The following INSYN1 variants were observed in gnomAD, a reference collection of about 807,000 sequenced individuals.
INSYN1 encodes the protein inhibitory synaptic factor 1.
In INSYN1, 7 loss-of-function variants were observed where a neutral mutation model predicts 17.1. The ratio of observed to expected loss-of-function variants is 0.41; its 90% CI spans 0.23 to 0.77. The LOEUF is 0.77. Ranked by LOEUF, INSYN1 falls within the 30% of genes least tolerant of loss-of-function variation. INSYN1 has a pLI of 0.32. For synonymous variants in INSYN1, 174 were observed against 166.3 expected, an observed-to-expected ratio of 1.05 and a Z score of -0.36; for missense variants, 339 against 400.6, an observed-to-expected ratio of 0.85 and a Z score of 1.31.
In INSYN1 at chr15:73,737,980, C is replaced by T. The variant is rs1901575983; in HGVS notation, c.*1937G>A. On this transcript the variant is annotated 3_prime_UTR_variant, in exon 3 of 3. Coordinates refer to ENST00000569673, the MANE Select transcript of INSYN1 (RefSeq NM_001039614.3). The stretch of plus-strand genomic sequence containing the variant: ...CTGACCTCGAGCTACTGCGAGGGAC[C>T]AAGCAATGGAGTGTTTGTGACCCAG... 6.6e-6 allele frequency: 1 copy of T among 152,260 alleles called. No homozygotes were observed. Among genetic ancestry groups the T allele is most frequent in the African/African-American group, 2.4e-5 (1 of 41,450 alleles). 9.4% of individuals were successfully genotyped at this position (152,260 alleles called of 1,614,324 possible).
Position 73,751,155 on chromosome 15 carries a change from G to A in INSYN1, c.-25C>T, listed in dbSNP as rs1363545221. ...TCGTTTACCACGTGGCCGCAGGCCT[G>A]CCCATACTCCCCCCAGCTGGGCACA... On this transcript the variant is annotated 5_prime_UTR_variant, in exon 2 of 3. It introduces an in-frame stop codon into an upstream open reading frame of the 5' UTR. Coordinates refer to ENST00000569673, the MANE Select transcript of INSYN1 (RefSeq NM_001039614.3). 6.2e-6 allele frequency: 10 copies of A among 1,611,698 alleles called. No individual in the cohort carries two copies. Among genetic ancestry groups the A allele is most frequent in the Non-Finnish European group, 8.5e-6 (10 of 1,179,622 alleles).
At chr15:73,743,715 AGCTACTCGGGAGGCTGAG>A (rs1309365226) in intron 2 of INSYN1, among the ~76,000 whole-genome samples, 1 of 151,048 alleles carries the variant, frequency 6.6e-6, no homozygotes, top group Non-Finnish European at 1.5e-5. Flanking sequence ...ATAGAGTCCC[AGCTACTCGGGAGGCTGAG>A]GCAGAGGAAT....
At position 73,749,036 on chromosome 15, in the gene INSYN1, C is replaced by A. The variant is rs370523635; in HGVS notation, c.156+1939G>T. The stretch of plus-strand genomic sequence containing the variant: ...TGGCTGAGGCCTCTGGGCTGCATAG[C>A]CTGTGAACCTGGAGCTCTGCTATTG... On this transcript the variant is annotated intron_variant, in intron 2 of 2. Coordinates refer to ENST00000569673, the MANE Select transcript of INSYN1 (RefSeq NM_001039614.3). 5.2e-4 allele frequency among the ~76,000 whole-genome samples: 79 copies of A among 152,256 alleles called. 2 individuals carry two copies. The South Asian group carries it at 8.3e-3, about 16-fold the overall frequency.
Position 73,740,188 on chromosome 15 carries a change from C to T in INSYN1, c.611G>A (p.Gly204Glu), listed in dbSNP as rs199760617. The stretch of plus-strand genomic sequence containing the variant: ...CTCCTCCACCTCCTGCTCACCGTCC[C>T]CCTCCTCATCGTCACAGCACAGAGC... ...YHALCCDDEEGDGEQEVEEEE... is the reference protein window; with the variant it reads ...YHALCCDDEEEDGEQEVEEEE... The change falls in exon 3 of 3, where the codon GGG becomes GAG. Residue 204 changes from glycine to glutamate, a missense_variant. Coordinates refer to ENST00000569673, the MANE Select transcript of INSYN1 (RefSeq NM_001039614.3). 5 of 1,614,146 alleles carry T rather than the reference C, an allele frequency of 3.1e-6. No individual in the cohort carries two copies. The highest frequency in any genetic ancestry group is 2.5e-6 in the Non-Finnish European group (3 of 1,180,022).
intron 2 of INSYN1, among the ~76,000 whole-genome samples, chr15:73,748,947 A>G (rs567789736): frequency 3.0e-4 from 46 of 152,102 alleles, no homozygotes; most frequent in Non-Finnish European, 5.7e-4. Context: ...AACCTGCCAA[A>G]GTCTTGGGTG....
chr15:73,751,087 T>G lies in INSYN1; in HGVS notation c.44A>C (p.Asp15Ala), dbSNP rs1901966158. The change falls in exon 2 of 3, where the codon GAC becomes GCC. Residue 15 changes from aspartate to alanine, a missense_variant. Asp to Ala is a moderately radical substitution (Grantham distance 126, BLOSUM62 -2). Transcript: ENST00000569673. ...GAPDLGQPSD[D>A]PSSGGERERI... Reference sequence around the variant, plus strand: ...CTCCCGCTCACCACCACTGCTGGGGTCGTCACTGGGCTGCCCGAGGTCCGG... The same window carrying G: ...CTCCCGCTCACCACCACTGCTGGGGGCGTCACTGGGCTGCCCGAGGTCCGG... The G allele has an allele frequency of 6.2e-7, 1 of 1,613,882 alleles. No individual in the cohort carries two copies. Among genetic ancestry groups the G allele is most frequent in the Non-Finnish European group, 8.5e-7 (1 of 1,180,002 alleles).
intron 2 of INSYN1, among the ~76,000 whole-genome samples, chr15:73,743,363 G>C (rs913779205): frequency 6.6e-6 from 1 of 152,206 alleles, no homozygotes; most frequent in Admixed American, 6.5e-5. Flanking sequence ...TCCAACCTGG[G>C]GGGATGGAGG....
Position 73,740,146 on chromosome 15 carries a change from G to A in INSYN1, c.653C>T (p.Pro218Leu). The A allele has an allele frequency of 3.1e-6, 5 of 1,613,836 alleles. No individual in the cohort carries two copies. The highest frequency in any genetic ancestry group is 4.2e-6 in the Non-Finnish European group (5 of 1,179,912). The change falls in exon 3 of 3, where the codon CCC becomes CTC. Residue 218 changes from proline (P) to leucine (L), a missense_variant. Physicochemically the swap from Pro to Leu is moderately conservative, Grantham distance 98 (BLOSUM62 -3). Coordinates refer to ENST00000569673, the MANE Select transcript of INSYN1 (RefSeq NM_001039614.3). ...GGCCTCTGTATGGGCAGGCTCAGGG[G>A]GCAAGCCCACTTCTTCCTCCTCCAC... ...QEVEEEEVGL[P>L]PEPAHTEAHA...
At position 73,740,337 on chromosome 15, in the gene INSYN1, C is replaced by T; in HGVS notation, c.462G>A (p.Val154=). The change falls in exon 3 of 3, where the codon GTG becomes GTA. Residue 154 remains valine (V), a synonymous_variant. Coordinates refer to ENST00000569673, the MANE Select transcript of INSYN1 (RefSeq NM_001039614.3). The stretch of plus-strand genomic sequence containing the variant: ...CCTCACTGGAGGAGTCTGGGGTCTC[C>T]ACTCGTGGCCCATTGGGGATGGGCG... ...GGTPIPNGPR[V]ETPDSSSEEA... 1.9e-6 allele frequency: 3 copies of T among 1,608,820 alleles called. No individual in the cohort carries two copies. The highest frequency in any genetic ancestry group is 2.2e-5 in the East Asian group (1 of 44,844).
intron 2 of INSYN1, among the ~76,000 whole-genome samples, chr15:73,749,299 C>G (rs1310406364): frequency 6.6e-6 from 1 of 152,164 alleles, no homozygotes; most frequent in Non-Finnish European, 1.5e-5. Context: ...GGACAAGCCC[C>G]TATTGCTCTC....
At position 73,753,066 on chromosome 15, in the gene INSYN1, C is replaced by A. The variant is rs1160866508; in HGVS notation, c.-1524G>T. Among the ~76,000 whole-genome samples, 2 of 150,516 alleles carry A rather than the reference C, an allele frequency of 1.3e-5. No individual in the cohort carries two copies. Among genetic ancestry groups the A allele is most frequent in the Non-Finnish European group, 1.5e-5 (1 of 67,428 alleles). Reference sequence around the variant, plus strand: ...ACCTCCCGTCCGTTCGCTCTCGGCTCCCCGCCTCAGCAGCCCCCGGGCGCC... The same window carrying A: ...ACCTCCCGTCCGTTCGCTCTCGGCTACCCGCCTCAGCAGCCCCCGGGCGCC... On this transcript the variant is annotated 5_prime_UTR_variant, in exon 1 of 3. Coordinates refer to ENST00000569673, the MANE Select transcript of INSYN1 (RefSeq NM_001039614.3). The surrounding 1 kb of genome is among the most constrained non-coding windows in gnomAD (Gnocchi z 4.2).
chr15:73,751,086 G>T lies in INSYN1; in HGVS notation c.45C>A (p.Asp15Glu). ...GCTCCCGCTCACCACCACTGCTGGGGTCGTCACTGGGCTGCCCGAGGTCCG... is the reference window on the plus strand; with the variant it reads ...GCTCCCGCTCACCACCACTGCTGGGTTCGTCACTGGGCTGCCCGAGGTCCG... Reference protein sequence around the residue: ...GAPDLGQPSDDPSSGGERERI... With the variant: ...GAPDLGQPSDEPSSGGERERI... Residue 15 changes from aspartate to glutamate, a missense_variant, in exon 2 of 3, where the codon GAC becomes GAA. Transcript: ENST00000569673. The T allele has an allele frequency of 6.2e-7, 1 of 1,614,036 alleles. No homozygotes were observed. Among genetic ancestry groups the T allele is most frequent in the Non-Finnish European group, 8.5e-7 (1 of 1,180,032 alleles).
rs1226423477 is a variant in INSYN1, at chr15:73,739,358, T to C, written c.*559A>G. 1 of 152,212 alleles carries C rather than the reference T, an allele frequency of 6.6e-6. No homozygotes were observed. The highest frequency in any genetic ancestry group is 1.5e-5 in the Non-Finnish European group (1 of 68,092). 9.4% of individuals were successfully genotyped at this position (152,212 alleles called of 1,614,324 possible). A position where few individuals can be genotyped will look rare whatever the true frequency, so the allele number is the denominator to read the frequency against. Reference sequence around the variant, plus strand: ...CCCTATGTCCCAGGCAACCCTAAGATGGAAGGGGGTGAGGCAGGACTGTGT... The same window carrying C: ...CCCTATGTCCCAGGCAACCCTAAGACGGAAGGGGGTGAGGCAGGACTGTGT... On this transcript the variant is annotated 3_prime_UTR_variant, in exon 3 of 3. Coordinates refer to ENST00000569673, the MANE Select transcript of INSYN1 (RefSeq NM_001039614.3).
chr15:73,745,028 G>A (rs1451614648), intron 2 of INSYN1, among the ~76,000 whole-genome samples: 1 of 151,886 alleles, frequency 6.6e-6, no homozygotes, highest in Non-Finnish European at 1.5e-5. Context: ...TGCAAACCTC[G>A]TGCCAGAGGT....
Position 73,740,214 on chromosome 15 carries a change from A to G in INSYN1, c.585T>C (p.His195=). Reference sequence around the variant, plus strand: ...CCTCCTCATCGTCACAGCACAGAGCATGGTAGAGCACTTTGTCACTGAACC... The same window carrying G: ...CCTCCTCATCGTCACAGCACAGAGCGTGGTAGAGCACTTTGTCACTGAACC... ...RVRFSDKVLY[H]ALCCDDEEGD... is the part of the protein sequence containing the mutation. Residue 195 remains histidine (H), a synonymous_variant, in exon 3 of 3, where the codon CAT becomes CAC. Coordinates refer to ENST00000569673, the MANE Select transcript of INSYN1 (RefSeq NM_001039614.3). 6.2e-7 allele frequency: 1 copy of G among 1,614,030 alleles called. No individual in the cohort carries two copies. The highest frequency in any genetic ancestry group is 8.5e-7 in the Non-Finnish European group (1 of 1,180,008).
intron 2 of INSYN1, among the ~76,000 whole-genome samples, chr15:73,748,127 C>T (rs757680434): frequency 6.6e-6 from 1 of 152,150 alleles, no homozygotes; most frequent in African/African-American, 2.4e-5. Flanking sequence ...GATCACCGTG[C>T]AGTGCAAATC....
chr15:73,740,238 C>T lies in INSYN1; in HGVS notation c.561G>A (p.Arg187=), dbSNP rs768058085. 1 of 1,614,056 alleles carries T rather than the reference C, an allele frequency of 6.2e-7. No homozygotes were observed. Among genetic ancestry groups the T allele is most frequent in the South Asian group, 1.1e-5 (1 of 91,090 alleles). Residue 187 remains arginine (R), a synonymous_variant, in exon 3 of 3, where the codon CGG becomes CGA. Transcript: ENST00000569673. ...CATGGTAGAGCACTTTGTCACTGAACCGCACCCTCTCCCGTGTCCCTGGGG... is the reference window on the plus strand; with the variant it reads ...CATGGTAGAGCACTTTGTCACTGAATCGCACCCTCTCCCGTGTCCCTGGGG... The part of the protein sequence containing the change: ...QRTPGTRERV[R]FSDKVLYHAL...
chr15:73,744,859 G>A (rs534132352), intron 2 of INSYN1, among the ~76,000 whole-genome samples: 1 of 152,256 alleles, frequency 6.6e-6, no homozygotes, highest in Admixed American at 6.5e-5. Context: ...TTTGCCGAGG[G>A]GGGCAATGAG....
At chr15:73,747,171 C>T (rs908148174) in intron 2 of INSYN1, among the ~76,000 whole-genome samples, 92 of 152,316 alleles carry the variant, frequency 6.0e-4, no homozygotes, top group African/African-American at 9.1e-4. Context: ...CACCCTCAGC[C>T]GGGAATGCTC....
Sources: allele counts gnomAD v4.1 joint callset (sites outside exome capture counted in the v4.1 genomes callset), GRCh38; gene constraint gnomAD v4.1.1; non-coding constraint Gnocchi (gnomAD v3.1); transcripts MANE v1.5; gene names NCBI Gene and HGNC (gene_info 2026-07-23, HGNC 2026-07-21).